EXD1: variants seen among roughly 807,000 people sequenced by gnomAD.
The protein encoded by EXD1 is exonuclease 3'-5' domain containing 1, also known as piRNA biogenesis protein EXD1.
EXD1 carries 63 observed loss-of-function variants against 49.1 expected under a neutral mutation model. The observed-to-expected ratio is 1.28, with a 90% CI of 1.05 to 1.58. EXD1 has a LOEUF of 1.58. Among genes scored for constraint, EXD1 ranks in the 40% most tolerant of loss-of-function variants. The pLI is 0.00. For missense variants in EXD1, 748 were observed against 666.0 expected, an observed-to-expected ratio of 1.12 and a Z score of -1.36; for synonymous variants, 234 against 239.2, an observed-to-expected ratio of 0.98 and a Z score of 0.20.
Position 41,226,484 on chromosome 15 carries a change from A to G in EXD1, c.92T>C (p.Leu31Pro). The part of the protein sequence containing the change: ...TLVCGVFEGV[L>P]QHVDPNKIVV... ...AATCTTATTAGGGTCAACATGCTGAAGCACACCCTCGAAGACACCACAGAC... is the reference window on the plus strand; with the variant it reads ...AATCTTATTAGGGTCAACATGCTGAGGCACACCCTCGAAGACACCACAGAC... The change falls in exon 2 of 12, where the codon CTT (leucine) becomes CCT (proline). Residue 31 changes from leucine to proline, a missense_variant. By Grantham distance (98) the Leu-to-Pro change is moderately conservative (BLOSUM62 -3). Transcript: ENST00000458580. 6.5e-7 allele frequency: 1 copy of G among 1,536,124 alleles called. No homozygotes were observed. Among genetic ancestry groups the G allele is most frequent in the Non-Finnish European group, 8.7e-7 (1 of 1,146,900 alleles).
At chr15:41,199,668 C>CATTATATATATCATATATATGAGATAT (rs2046676573) in intron 7 of EXD1, among the ~76,000 whole-genome samples, 2 of 59,456 alleles carry the variant, frequency 3.4e-5, no homozygotes, top group Non-Finnish European at 7.4e-5. Flanking sequence ...ATGATATACA[C>CATTATATATATCATATATATGAGATAT]ATTATATATA....
rs150859669 is a variant in EXD1 at position 41,202,466 on chromosome 15, C to T, written c.535-6429G>A. On this transcript the variant is annotated intron_variant, in intron 7 of 11. Transcript: ENST00000458580. ...TGCTAGGATTACAGGTGTGAGCCAC[C>T]GCACCCAGCATATATATATATTTGA... is the stretch of plus-strand genomic sequence containing the variant. Among the ~76,000 whole-genome samples, 524 of 151,988 alleles carry T rather than the reference C, an allele frequency of 3.4e-3. 3 individuals carry two copies. The highest frequency in any genetic ancestry group is 0.012 in the African/African-American group (485 of 41,442).
intron 2 of EXD1, among the ~76,000 whole-genome samples, chr15:41,222,229 A>AGAG (rs1289010771): frequency 8.5e-5 from 13 of 152,374 alleles, no homozygotes; most frequent in African/African-American, 3.1e-4. Flanking sequence ...AGCCTGGTCA[A>AGAG]CATGGTGAAA....
chr15:41,209,590 G>A lies in EXD1; in HGVS notation c.448-3C>T. 6.2e-7 allele frequency: 1 copy of A among 1,612,650 alleles called. No individual in the cohort carries two copies. Among genetic ancestry groups the A allele is most frequent in the East Asian group, 2.2e-5 (1 of 44,854 alleles). On this transcript the variant is annotated splice_polypyrimidine_tract_variant and splice_region_variant and intron_variant, in intron 6 of 11. Transcript: ENST00000458580. The stretch of plus-strand genomic sequence containing the variant: ...TTCTGCTTCTTGATATGGAGTATCT[G>A]GTAAGAAAAAGAAGGAAAGGAAAAA...
At chr15:41,204,530 A>G (rs2928146) in intron 7 of EXD1, among the ~76,000 whole-genome samples, 115,270 of 151,878 alleles carry the variant, frequency 0.76, 43,905 homozygotes, top group East Asian at 0.99. Context: ...CAGCCTTGGC[A>G]ACAGAGCAAG....
rs113838418 is a variant in EXD1 at position 41,218,545 on chromosome 15, G to C, written c.202+1285C>G. Among the ~76,000 whole-genome samples the C allele has an allele frequency of 4.0e-3, 602 of 151,494 alleles. 1 individual carries two copies. Among genetic ancestry groups the C allele is most frequent in the Non-Finnish European group, 6.8e-3 (461 of 67,924 alleles). ...CAAACCCTGGAGAAGAATTTAGGAG[G>C]CAATGAATTCCGTGCATACAGATCA... On this transcript the variant is annotated intron_variant, in intron 3 of 11. Coordinates refer to ENST00000458580, the MANE Select transcript of EXD1 (RefSeq NM_001286441.2).
At chr15:41,221,070 GAGCTACCATATTGAGT>G (rs1429457739) in intron 2 of EXD1, among the ~76,000 whole-genome samples, 1 of 151,916 alleles carries the variant, frequency 6.6e-6, no homozygotes, top group Non-Finnish European at 1.5e-5. Context: ...TAACTACCTA[GAGCTACCATATTGAGT>G]ACCCACTCTG....
intron 11 of EXD1, among the ~76,000 whole-genome samples, chr15:41,186,857 C>A (rs1248652678): frequency 6.6e-6 from 1 of 150,814 alleles, no homozygotes. Context: ...TCACTGCAAC[C>A]TCCACCTCCT....
At chr15:41,186,338 AG>A (rs1196783514) in intron 11 of EXD1, among the ~76,000 whole-genome samples, 1 of 151,950 alleles carries the variant, frequency 6.6e-6, no homozygotes, top group Non-Finnish European at 1.5e-5. Flanking sequence ...TGAGCACGGT[AG>A]CACATGCTTT....
intron 6 of EXD1, among the ~76,000 whole-genome samples, chr15:41,211,711 G>T (rs554346292): frequency 6.6e-6 from 1 of 150,886 alleles, no homozygotes; most frequent in South Asian, 2.1e-4. Context: ...TGTAATCCCA[G>T]TACTTTGGGA....
intron 2 of EXD1, among the ~76,000 whole-genome samples, chr15:41,224,289 G>A (rs8038615): frequency 2.6e-5 from 4 of 152,230 alleles, no homozygotes; most frequent in Middle Eastern, 3.4e-3. Flanking sequence ...GTATGTGTCC[G>A]TGGTACCAAG....
At chr15:41,200,153 G>A (rs1595437468) in intron 7 of EXD1, among the ~76,000 whole-genome samples, 1 of 151,834 alleles carries the variant, frequency 6.6e-6, no homozygotes, top group Non-Finnish European at 1.5e-5. Flanking sequence ...CAAGTGATCC[G>A]CCTGCCTCGG....
At chr15:41,185,608 G>T (rs113870871) in intron 11 of EXD1, among the ~76,000 whole-genome samples, 17 of 152,082 alleles carry the variant, frequency 1.1e-4, no homozygotes, top group African/African-American at 4.1e-4. Context: ...CCACCTCCTG[G>T]GCTCAAGCAA....
chr15:41,216,541 T>A, intron 5 of EXD1, 127 bp downstream of exon 5: 1 of 941,570 alleles, frequency 1.1e-6, no homozygotes, highest in Non-Finnish European at 1.5e-6. Context: ...AGAGGCAGGA[T>A]AATTGCTTGA....
intron 11 of EXD1, among the ~76,000 whole-genome samples, chr15:41,185,095 C>A (rs562297266): frequency 6.6e-6 from 1 of 152,208 alleles, no homozygotes; most frequent in South Asian, 2.1e-4. Context: ...GGCAGTGAAT[C>A]CATAGGGCTG....
chr15:41,195,664 A>C (rs1240971936), intron 9 of EXD1, 111 bp downstream of exon 9: 7 of 139,770 alleles, frequency 5.0e-5, no homozygotes, highest in Non-Finnish European at 6.7e-5. Context: ...ATGGAGCACC[A>C]AAAAAAAAAA....
At chr15:41,214,099 G>A (rs2046963566) in intron 6 of EXD1, among the ~76,000 whole-genome samples, 1 of 152,020 alleles carries the variant, frequency 6.6e-6, no homozygotes, top group Non-Finnish European at 1.5e-5. Flanking sequence ...CCCGGGAGGT[G>A]GAGCTTGCAG....
chr15:41,184,213 G>C lies in EXD1; in HGVS notation c.1437C>G (p.Asp479Glu), dbSNP rs1449380580. Residue 479 changes from aspartate to glutamate, a missense_variant, in exon 12 of 12, where the codon GAC (aspartate) becomes GAG (glutamate). Asp to Glu is a conservative substitution (Grantham distance 45). Coordinates refer to ENST00000458580, the MANE Select transcript of EXD1 (RefSeq NM_001286441.2). Reference protein sequence around the residue: ...LICTKSKGSEDQRITQKEHFM... With the variant: ...LICTKSKGSEEQRITQKEHFM... ...AGTGTTCTTTCTGAGTTATTCTCTG[G>C]TCCTCTGACCCCTTTGACTTTGTGC... The C allele has an allele frequency of 5.0e-6, 8 of 1,613,992 alleles. No individual in the cohort carries two copies. Among genetic ancestry groups the C allele is most frequent in the Non-Finnish European group, 6.8e-6 (8 of 1,180,050 alleles).
At chr15:41,225,706 G>A (rs571066780) in intron 2 of EXD1, among the ~76,000 whole-genome samples, 96 of 151,878 alleles carry the variant, frequency 6.3e-4, no homozygotes, top group Middle Eastern at 3.4e-3. Flanking sequence ...AACAGGCTGT[G>A]TTTTTGTATT....
Sources: allele counts gnomAD v4.1 joint callset (sites outside exome capture counted in the v4.1 genomes callset), GRCh38; gene constraint gnomAD v4.1.1; transcripts MANE v1.5; gene names NCBI Gene and HGNC (gene_info 2026-07-23, HGNC 2026-07-21).